The following CHM variants were observed in gnomAD, a reference collection of about 807,000 sequenced individuals.
The protein encoded by CHM is CHM Rab escort protein.
Under a neutral mutation model 49.0 loss-of-function variants are expected in CHM, and 10 were observed. That is an observed-to-expected ratio of 0.20 (90% CI 0.13 to 0.35). The LOEUF is 0.35. Among genes scored for constraint, CHM ranks in the 10% least tolerant of loss-of-function variants. The pLI is 1.00. For missense variants in CHM, 455 were observed against 478.4 expected, an observed-to-expected ratio of 0.95 and a Z score of 0.46; for synonymous variants, 184 against 167.5, an observed-to-expected ratio of 1.10 and a Z score of -0.76.
chrX:85,896,489 G>A (rs757930523), intron 11 of CHM, among the ~76,000 whole-genome samples: 64 of 111,108 alleles, frequency 5.8e-4, no homozygotes, highest in Admixed American at 1.1e-3. Flanking sequence ...GTTTGTGGAG[G>A]GAAGATGGTG....
chrX:85,874,179 T>A (rs975802871), intron 13 of CHM, among the ~76,000 whole-genome samples: 4 of 111,833 alleles, frequency 3.6e-5, no homozygotes, highest in Non-Finnish European at 5.7e-5. Context: ...AGGTCCAACA[T>A]TACTAATCTC....
intron 12 of CHM, among the ~76,000 whole-genome samples, chrX:85,885,099 G>A (rs967805378): frequency 5.4e-5 from 6 of 110,304 alleles, no homozygotes; most frequent in African/African-American, 1.6e-4. Flanking sequence ...ATTTAAGAAT[G>A]GACGAATTTG....
At chrX:85,942,231 C>T (rs1465764468) in intron 8 of CHM, among the ~76,000 whole-genome samples, 1 of 109,231 alleles carries the variant, frequency 9.2e-6, no homozygotes, top group Non-Finnish European at 1.9e-5. Flanking sequence ...ATAGTACTAA[C>T]GGCAACATTT....
chrX:85,894,122 G>A (rs1293043597), intron 12 of CHM, 66 bp downstream of exon 12: 27 of 768,160 alleles, frequency 3.5e-5, no homozygotes, highest in Non-Finnish European at 8.1e-6. Context: ...CTTCACAACT[G>A]TAATAACTGC....
At chrX:85,986,577 T>A (rs781543942) in intron 2 of CHM, among the ~76,000 whole-genome samples, 18 of 111,771 alleles carry the variant, frequency 1.6e-4, no homozygotes, top group Non-Finnish European at 3.2e-4. Flanking sequence ...CATACGTACC[T>A]CTCTTAAACC....
intron 12 of CHM, among the ~76,000 whole-genome samples, chrX:85,889,008 GTATTTATCAT>G (rs1175961156): frequency 8.9e-6 from 1 of 111,736 alleles, no homozygotes; most frequent in Non-Finnish European, 1.9e-5. Context: ...TACACCAAGG[GTATTTATCAT>G]TATTTGGTAG....
At chrX:85,981,924 C>T in intron 2 of CHM, 115 bp from the exon 3 acceptor site, 2 of 598,553 alleles carry the variant, frequency 3.3e-6, no homozygotes, top group Admixed American at 3.6e-5. Flanking sequence ...TTTAATATTA[C>T]TGCCTCAAGA....
At position 86,021,105 on chromosome X, in the gene CHM, C is replaced by T. The variant is rs756146689; in HGVS notation, c.116+6386G>A. ...ACACATATATATACACATATATATACGTATATATATGTGTATATACGTATA... is the reference window on the plus strand; with the variant it reads ...ACACATATATATACACATATATATATGTATATATATGTGTATATACGTATA... On this transcript the variant is annotated intron_variant, in intron 2 of 14. Transcript: ENST00000357749. Among the ~76,000 whole-genome samples, 27 of 54,584 alleles carry T rather than the reference C, an allele frequency of 4.9e-4. No individual in the cohort carries two copies. In the South Asian group the frequency reaches 7.0e-3, roughly 14 times the overall value. 47.4% of individuals were successfully genotyped at this position (54,584 alleles called of 115,157 possible). A position where few individuals can be genotyped will look rare whatever the true frequency, so the allele number is the denominator to read the frequency against.
intron 2 of CHM, among the ~76,000 whole-genome samples, chrX:85,991,557 C>G (rs1287030699): frequency 9.0e-6 from 1 of 110,840 alleles, no homozygotes; most frequent in Non-Finnish European, 1.9e-5. Context: ...AATAGGTCTC[C>G]CAAGAAAAAA....
chrX:86,001,176 CA>C (rs1217722262), intron 2 of CHM, among the ~76,000 whole-genome samples: 1 of 111,294 alleles, frequency 9.0e-6, no homozygotes, highest in Non-Finnish European at 1.9e-5. Context: ...GTCCATTTTA[CA>C]AACACAAAAA....
chrX:85,941,233 A>G (rs1287561934), intron 8 of CHM, among the ~76,000 whole-genome samples: 2 of 111,990 alleles, frequency 1.8e-5, no homozygotes, highest in African/African-American at 6.5e-5. Flanking sequence ...TTAGGCCCAG[A>G]GAACAATTCT....
chrX:86,006,172 A>G (rs1932848680), intron 2 of CHM, among the ~76,000 whole-genome samples: 1 of 111,963 alleles, frequency 8.9e-6, no homozygotes, highest in South Asian at 3.8e-4. Context: ...CCACATGATT[A>G]TCTCAAGAGG....
intron 2 of CHM, among the ~76,000 whole-genome samples, chrX:85,992,150 A>G (rs977243856): frequency 5.4e-5 from 6 of 111,948 alleles, no homozygotes; most frequent in African/African-American, 9.7e-5. Flanking sequence ...CTGACATACT[A>G]TAAGTAAAGA....
At chrX:85,874,307 T>C (rs887238288) in intron 13 of CHM, among the ~76,000 whole-genome samples, 1 of 111,850 alleles carries the variant, frequency 8.9e-6, no homozygotes, top group Admixed American at 9.5e-5. Context: ...GATACATTCA[T>C]TGACTAGAGA....
At chrX:86,015,886 A>G (rs1049286387) in intron 2 of CHM, among the ~76,000 whole-genome samples, 1 of 112,255 alleles carries the variant, frequency 8.9e-6, no homozygotes, top group African/African-American at 3.2e-5. Flanking sequence ...TAATCCCAGC[A>G]CTTTGGGAGG....
At chrX:85,965,812 A>G (rs778402477) in intron 4 of CHM, among the ~76,000 whole-genome samples, 1 of 111,386 alleles carries the variant, frequency 9.0e-6, no homozygotes, top group Non-Finnish European at 1.9e-5. Flanking sequence ...AAACAAATTG[A>G]TATCATTAAT....
intron 2 of CHM, among the ~76,000 whole-genome samples, chrX:86,022,644 C>A (rs1257326829): frequency 9.0e-6 from 1 of 111,137 alleles, no homozygotes; most frequent in African/African-American, 3.3e-5. Flanking sequence ...CTATTCACTT[C>A]TTTGGTTTTA....
intron 14 of CHM, among the ~76,000 whole-genome samples, chrX:85,872,380 A>G (rs1313535324): frequency 8.9e-6 from 1 of 111,925 alleles, no homozygotes; most frequent in Non-Finnish European, 1.9e-5. Flanking sequence ...ATACATATCA[A>G]TATTCAGCTT....
At chrX:85,895,386 C>T (rs756489284) in intron 11 of CHM, among the ~76,000 whole-genome samples, 2 of 110,226 alleles carry the variant, frequency 1.8e-5, no homozygotes, top group South Asian at 3.9e-4. Context: ...TCAAGCAATC[C>T]AGCCACCTTG....
Sources: allele counts gnomAD v4.1 joint callset (sites outside exome capture counted in the v4.1 genomes callset), GRCh38; gene constraint gnomAD v4.1.1; transcripts MANE v1.5; gene names NCBI Gene and HGNC (gene_info 2026-07-23, HGNC 2026-07-21).